KIAA1328: variants seen among roughly 807,000 people sequenced by gnomAD.
KIAA1328 encodes protein hinderin.
KIAA1328 carries 52 observed loss-of-function variants against 68.1 expected under a neutral mutation model. That is an observed-to-expected ratio of 0.76 (90% confidence interval 0.61 to 0.96). The LOEUF is 0.96. Among genes scored for constraint, KIAA1328 ranks in the 40% least tolerant of loss-of-function variants. The pLI is 0.00. For missense variants in KIAA1328, 641 were observed against 677.6 expected, an observed-to-expected ratio of 0.95 and a Z score of 0.60; for synonymous variants, 232 against 239.4, an observed-to-expected ratio of 0.97 and a Z score of 0.28.
At chr18:37,006,235 T>C (rs1179090004) in intron 6 of KIAA1328, among the ~76,000 whole-genome samples, 1 of 152,084 alleles carries the variant, frequency 6.6e-6, no homozygotes, top group Admixed American at 6.6e-5. Flanking sequence ...ATTTTAGTGG[T>C]GAAGATGTAT....
chr18:36,946,795 G>A (rs914047192), intron 5 of KIAA1328, among the ~76,000 whole-genome samples: 5 of 152,156 alleles, frequency 3.3e-5, no homozygotes, highest in Admixed American at 6.5e-5. Flanking sequence ...TCAGGCATCC[G>A]TTCCTGGTGA....
chr18:36,857,650 A>C (rs766959487), intron 4 of KIAA1328, among the ~76,000 whole-genome samples: 2 of 152,122 alleles, frequency 1.3e-5, no homozygotes, highest in African/African-American at 2.4e-5. Flanking sequence ...GGTTACTATG[A>C]GTTTTGATTA....
intron 7 of KIAA1328, among the ~76,000 whole-genome samples, chr18:37,079,893 A>T (rs1186929938): frequency 6.6e-6 from 1 of 152,052 alleles, no homozygotes; most frequent in Non-Finnish European, 1.5e-5. Context: ...TCAAAAAAAA[A>T]AAAAAAAACA....
At chr18:36,850,715 A>G (rs186179059) in intron 4 of KIAA1328, among the ~76,000 whole-genome samples, 2 of 152,278 alleles carry the variant, frequency 1.3e-5, no homozygotes, top group Admixed American at 1.3e-4. Flanking sequence ...GAGGGATGCT[A>G]CATGACTAAC....
chr18:37,193,535 A>T, intron 9 of KIAA1328: 1 of 688,250 alleles, frequency 1.5e-6, no homozygotes, highest in Non-Finnish European at 2.6e-6. Flanking sequence ...GATGAATATT[A>T]ACAACCTATT....
intron 5 of KIAA1328, among the ~76,000 whole-genome samples, chr18:36,949,600 C>CG (rs1337716928): frequency 1.8e-5 from 2 of 108,618 alleles, no homozygotes; most frequent in African/African-American, 3.3e-5. Flanking sequence ...ACCCAGCTCC[C>CG]CCCCCCCCAC....
intron 4 of KIAA1328, among the ~76,000 whole-genome samples, chr18:36,883,728 T>C (rs2048395762): frequency 6.6e-6 from 1 of 152,124 alleles, no homozygotes; most frequent in Non-Finnish European, 1.5e-5. Flanking sequence ...ACTCATTTCT[T>C]TGTTTTATGC....
intron 6 of KIAA1328, among the ~76,000 whole-genome samples, chr18:37,042,191 C>A (rs2055280474): frequency 1.3e-5 from 2 of 152,096 alleles, no homozygotes; most frequent in African/African-American, 4.8e-5. Context: ...AGCCACTGCA[C>A]CTAGCCATAT....
At chr18:37,142,955 G>GTTTTTTTT in intron 7 of KIAA1328, among the ~76,000 whole-genome samples, 1 of 126,554 alleles carries the variant, frequency 7.9e-6, no homozygotes, top group Non-Finnish European at 1.7e-5. Context: ...TTTTTTTTTT[G>GTTTTTTTT]TTTTTTTTTT....
At chr18:37,151,317 G>A (rs927405662) in intron 7 of KIAA1328, among the ~76,000 whole-genome samples, 1 of 152,090 alleles carries the variant, frequency 6.6e-6, no homozygotes, top group Non-Finnish European at 1.5e-5. Context: ...AATTTGACCA[G>A]TCGGTATTGT....
intron 9 of KIAA1328, among the ~76,000 whole-genome samples, chr18:37,179,569 G>C (rs1273937436): frequency 6.6e-6 from 1 of 152,126 alleles, no homozygotes; most frequent in Non-Finnish European, 1.5e-5. Context: ...TTTAAACACA[G>C]CTGACTAGAA....
intron 7 of KIAA1328, among the ~76,000 whole-genome samples, chr18:37,156,790 G>A (rs2059161898): frequency 1.3e-5 from 2 of 152,188 alleles, no homozygotes; most frequent in South Asian, 4.1e-4. Context: ...GGTTTGGGAG[G>A]CAGGAATAGA....
At chr18:36,951,927 T>C (rs1177336285) in intron 5 of KIAA1328, among the ~76,000 whole-genome samples, 2 of 152,186 alleles carry the variant, frequency 1.3e-5, no homozygotes, top group Non-Finnish European at 2.9e-5. Context: ...ATCCATCCTT[T>C]ACTCTCCTAC....
chr18:36,955,491 G>A (rs1212805738), intron 5 of KIAA1328, among the ~76,000 whole-genome samples: 1 of 151,788 alleles, frequency 6.6e-6, no homozygotes, highest in Non-Finnish European at 1.5e-5. Flanking sequence ...TGTATTTTTA[G>A]TAGAGATGGG....
At chr18:36,991,646 T>C (rs1174823410) in intron 6 of KIAA1328, among the ~76,000 whole-genome samples, 1 of 152,244 alleles carries the variant, frequency 6.6e-6, no homozygotes, top group East Asian at 1.9e-4. Context: ...GAATTTGAGC[T>C]AGGTGCAGTT....
Position 36,953,995 on chromosome 18 carries a change from C to CTTTTTTT in KIAA1328, c.449-5301_449-5295dup, listed in dbSNP as rs71168249. 5.4e-4 allele frequency among the ~76,000 whole-genome samples: 61 copies of CTTTTTTT among 113,524 alleles called. 5 individuals carry two copies. The highest frequency in any genetic ancestry group is 7.1e-3 in the Middle Eastern group (1 of 140). The allele number at this position is 113,524 out of a possible 152,430, so 74.5% of individuals were successfully genotyped here. A position where few individuals can be genotyped will look rare whatever the true frequency, so the allele number is the denominator to read the frequency against. ...ATATATTGAATTTGTCTGATTGTTT[C>CTTTTTTT]TTTTTTTTTTTTTTTTTTGAGACGG... On this transcript the variant is annotated intron_variant, in intron 5 of 9. Coordinates refer to ENST00000280020, the MANE Select transcript of KIAA1328 (RefSeq NM_020776.3).
intron 6 of KIAA1328, among the ~76,000 whole-genome samples, chr18:37,029,389 A>G (rs1030334558): frequency 1.3e-5 from 2 of 151,764 alleles, no homozygotes; most frequent in African/African-American, 4.8e-5. Flanking sequence ...ACTTATTATT[A>G]TTGAGACAAG....
rs1479794853 is a variant in KIAA1328, at chr18:37,067,092, A to G, written c.779A>G (p.Asp260Gly). The G allele has an allele frequency of 6.2e-7, 1 of 1,614,012 alleles. No individual in the cohort carries two copies. The highest frequency in any genetic ancestry group is 1.1e-5 in the South Asian group (1 of 91,088). Residue 260 changes from aspartate to glycine, a missense_variant, in exon 7 of 10, where the codon GAT becomes GGT. Physicochemically the swap from Asp to Gly is moderately conservative, Grantham distance 94. Coordinates refer to ENST00000280020, the MANE Select transcript of KIAA1328 (RefSeq NM_020776.3). ...VTLHHPKDDL[D>G]KIPSETTTCN... The stretch of plus-strand genomic sequence containing the variant: ...CTTCATCATCCCAAAGATGATCTAG[A>G]TAAGATACCATCAGAGACCACAACA...
At chr18:37,230,893 CAGGAA>C (rs1449480210), downstream of KIAA1328, 1 of 152,178 alleles carries the variant, frequency 6.6e-6, no homozygotes, top group Admixed American at 6.5e-5. Flanking sequence ...CCACTGCTTA[CAGGAA>C]AGGAGTGCAC....
Sources: allele counts gnomAD v4.1 joint callset (sites outside exome capture counted in the v4.1 genomes callset), GRCh38; gene constraint gnomAD v4.1.1; transcripts MANE v1.5; gene names NCBI Gene and HGNC (gene_info 2026-07-23, HGNC 2026-07-21).